Variants in RPS6KA6 observed in about 807,000 individuals in gnomAD.
RPS6KA6 encodes ribosomal protein S6 kinase alpha-6.
RPS6KA6 carries 27 observed loss-of-function variants against 65.4 expected under a neutral mutation model. That is an observed-to-expected ratio of 0.41 (90% CI 0.30 to 0.57). The LOEUF (loss-of-function observed/expected upper bound fraction) is 0.57. Ranked by LOEUF, RPS6KA6 falls within the 20% of genes least tolerant of loss-of-function variation. The pLI, the probability that RPS6KA6 is intolerant of heterozygous loss-of-function variation, is 0.24. For missense variants in RPS6KA6, 486 were observed against 555.6 expected (o/e 0.87, Z 1.26); for synonymous variants, 190 against 184.2 (o/e 1.03, Z -0.26).
At chrX:84,097,122 C>T (rs1048928071) in intron 19 of RPS6KA6, among the ~76,000 whole-genome samples, 1 of 110,999 alleles carries the variant, frequency 9.0e-6, no homozygotes, top group Non-Finnish European at 1.9e-5. Flanking sequence ...ATTATAATTA[C>T]TTGCTAAACT....
intron 2 of RPS6KA6, among the ~76,000 whole-genome samples, chrX:84,159,441 A>G (rs189249276): frequency 5.4e-5 from 6 of 110,804 alleles, no homozygotes; most frequent in Admixed American, 1.9e-4. Flanking sequence ...CTGAGAGTAA[A>G]TCATCCTTAA....
At position 84,096,328 on chromosome X, in the gene RPS6KA6, T is replaced by C; in HGVS notation, c.1854-17A>G. On this transcript the variant is annotated splice_polypyrimidine_tract_variant and intron_variant, in intron 19 of 21. Transcript: ENST00000262752. ...GGAGTGTAGCTATTAATAAAATAGA[T>C]TTTAATAGACACTAGAGGGTAACAT... 1 of 891,745 alleles carries C rather than the reference T, an allele frequency of 1.1e-6. No homozygotes were observed. Among genetic ancestry groups the C allele is most frequent in the Non-Finnish European group, 1.6e-6 (1 of 639,523 alleles). 73.5% of individuals were successfully genotyped at this position (891,745 alleles called of 1,213,427 possible). A position where few individuals can be genotyped will look rare whatever the true frequency, so the allele number is the denominator to read the frequency against.
chrX:84,164,451 A>C (rs979447345), intron 1 of RPS6KA6, 64 bp from the exon 2 acceptor site: 7 of 779,222 alleles, frequency 9.0e-6, no homozygotes, highest in Non-Finnish European at 1.2e-5. Context: ...AACTAAGAAA[A>C]ATATAACCCT....
intron 2 of RPS6KA6, among the ~76,000 whole-genome samples, chrX:84,159,737 G>T (rs184199252): frequency 2.0e-3 from 225 of 110,985 alleles, no homozygotes; most frequent in African/African-American, 7.0e-3. Context: ...CAGTACCTCA[G>T]AACATGACTG....
At chrX:84,153,516 A>G (rs946727860) in intron 3 of RPS6KA6, among the ~76,000 whole-genome samples, 1 of 111,777 alleles carries the variant, frequency 8.9e-6, no homozygotes, top group African/African-American at 3.2e-5. Context: ...TTAAACTACA[A>G]TTTTAAGTTG....
Position 84,154,848 on chromosome X carries a change from C to G in RPS6KA6, c.258+1227G>C, listed in dbSNP as rs1174521168. On this transcript the variant is annotated intron_variant, in intron 3 of 21. Coordinates refer to ENST00000262752, the MANE Select transcript of RPS6KA6 (RefSeq NM_014496.5). ...GTTTCTTTATATTTCACGTTATATT[C>G]TATAATGCATAAATATCAGGTTACT... is the stretch of plus-strand genomic sequence containing the variant. Among the ~76,000 whole-genome samples the G allele has an allele frequency of 3.6e-5, 4 of 111,597 alleles. No homozygotes were observed. The Admixed American group carries it at 3.8e-4, about 11-fold the overall frequency.
At position 84,187,888 on chromosome X, in the gene RPS6KA6, G is replaced by A. The variant is rs149522058; in HGVS notation, c.12C>T (p.Phe4=). The A allele has an allele frequency of 4.2e-6, 5 of 1,196,553 alleles. No individual in the cohort carries two copies. The African/African-American group carries it at 9.0e-5, about 21-fold the overall frequency. Residue 4 remains phenylalanine, a synonymous_variant, in exon 1 of 22, where the codon TTC becomes TTT. Coordinates refer to ENST00000262752, the MANE Select transcript of RPS6KA6 (RefSeq NM_014496.5). ...GGTCCCAGGGCTCGTCCTGAGGAGC[G>A]AATGGTAGCATCTCCCCTTCAGGAG... MLP[F]APQDEPWDRE... is the part of the protein sequence containing the mutation.
intron 8 of RPS6KA6, among the ~76,000 whole-genome samples, chrX:84,121,009 A>G (rs2034662357): frequency 8.9e-6 from 1 of 112,148 alleles, no homozygotes; most frequent in Non-Finnish European, 1.9e-5. Flanking sequence ...ACTGACATAT[A>G]CAGTTAATTC....
At chrX:84,125,897 A>C (rs1195407630) in intron 8 of RPS6KA6, among the ~76,000 whole-genome samples, 1 of 111,254 alleles carries the variant, frequency 9.0e-6, no homozygotes, top group East Asian at 2.8e-4. Context: ...AAACTAAATC[A>C]CAGCACCACA....
intron 20 of RPS6KA6, among the ~76,000 whole-genome samples, chrX:84,088,845 G>A (rs1000191431): frequency 8.9e-6 from 1 of 112,197 alleles, no homozygotes; most frequent in East Asian, 2.8e-4. Context: ...CCCATAGGGA[G>A]GCCCCGCCCA....
At chrX:84,177,944 A>C (rs1193181332) in intron 1 of RPS6KA6, among the ~76,000 whole-genome samples, 4 of 110,831 alleles carry the variant, frequency 3.6e-5, no homozygotes, top group Non-Finnish European at 7.6e-5. Context: ...ACAGGCATGC[A>C]CCACCACACA....
intron 3 of RPS6KA6, among the ~76,000 whole-genome samples, chrX:84,151,630 C>A (rs1841220559): frequency 9.0e-6 from 1 of 111,383 alleles, no homozygotes; most frequent in Admixed American, 9.6e-5. Flanking sequence ...TTGCACAAGT[C>A]CTCTGCCTTG....
At chrX:84,179,117 C>G (rs1283005845) in intron 1 of RPS6KA6, among the ~76,000 whole-genome samples, 1 of 111,416 alleles carries the variant, frequency 9.0e-6, no homozygotes, top group Non-Finnish European at 1.9e-5. Flanking sequence ...GAAAAGACAA[C>G]TCATCAGAGA....
At chrX:84,160,238 T>C (rs2035489529) in intron 2 of RPS6KA6, among the ~76,000 whole-genome samples, 1 of 111,446 alleles carries the variant, frequency 9.0e-6, no homozygotes, top group African/African-American at 3.3e-5. Flanking sequence ...ATCAGTGATA[T>C]ACAGAAAAAG....
At chrX:84,142,953 G>C (rs552560112) in intron 6 of RPS6KA6, among the ~76,000 whole-genome samples, 1 of 110,870 alleles carries the variant, frequency 9.0e-6, no homozygotes. Flanking sequence ...GAAAGTTAAA[G>C]AGGCAAAAAC....
chrX:84,152,568 T>A (rs2035346355), intron 3 of RPS6KA6, among the ~76,000 whole-genome samples: 1 of 111,427 alleles, frequency 9.0e-6, no homozygotes, highest in Non-Finnish European at 1.9e-5. Flanking sequence ...ATAATAAAGT[T>A]GTGCTATATC....
intron 8 of RPS6KA6, among the ~76,000 whole-genome samples, chrX:84,126,766 TAAGA>T (rs2034796963): frequency 9.0e-6 from 1 of 110,753 alleles, no homozygotes; most frequent in Non-Finnish European, 1.9e-5. Context: ...ATAAAAAAAT[TAAGA>T]AAGAAATTTA....
chrX:84,178,414 T>A (rs1258960484), intron 1 of RPS6KA6, among the ~76,000 whole-genome samples: 1 of 112,173 alleles, frequency 8.9e-6, no homozygotes, highest in African/African-American at 3.2e-5. Context: ...AACAGTCACT[T>A]AATGTTTTGA....
At chrX:84,101,189 T>C (rs771101027) in intron 18 of RPS6KA6, among the ~76,000 whole-genome samples, 2 of 111,555 alleles carry the variant, frequency 1.8e-5, no homozygotes, top group South Asian at 7.4e-4. Flanking sequence ...GAATATGTAA[T>C]TACATGTCAG....
Sources: allele counts gnomAD v4.1 joint callset (sites outside exome capture counted in the v4.1 genomes callset), GRCh38; gene constraint gnomAD v4.1.1; transcripts MANE v1.5; gene names NCBI Gene and HGNC (gene_info 2026-07-23, HGNC 2026-07-21).